The following MYO15A variants were observed in gnomAD, a reference collection of about 807,000 sequenced individuals.
MYO15A encodes the protein myosin XVA, also known as unconventional myosin-XV.
MYO15A carries 308 observed loss-of-function variants against 394.6 expected under a neutral mutation model. The observed-to-expected ratio is 0.78, with a 90% CI of 0.71 to 0.86. The LOEUF is 0.86. Among genes scored for constraint, MYO15A ranks in the 40% least tolerant of loss-of-function variants. The probability of loss-of-function intolerance (pLI) is 0.00; values close to 1 mark genes in which losing one functional copy is unlikely to be tolerated. For missense variants in MYO15A, 4,606 were observed against 4,799.1 expected, an observed-to-expected ratio of 0.96 and a Z score of 1.19; for synonymous variants, 1,957 against 2,003.8, an observed-to-expected ratio of 0.98 and a Z score of 0.62.
chr17:18,145,861 T>C lies in MYO15A; in HGVS notation c.6274-11T>C. 6.2e-7 allele frequency: 1 copy of C among 1,612,570 alleles called. No individual in the cohort carries two copies. Among genetic ancestry groups the C allele is most frequent in the Non-Finnish European group, 8.5e-7 (1 of 1,179,694 alleles). ...TTCTGAGATGCCCAGGAGACTCTGTTCGTGGCCCAGATCCTGCGCTTCATG... is the reference window on the plus strand; with the variant it reads ...TTCTGAGATGCCCAGGAGACTCTGTCCGTGGCCCAGATCCTGCGCTTCATG... On this transcript the variant is annotated splice_polypyrimidine_tract_variant and intron_variant, in intron 29 of 65. Transcript: ENST00000647165.
intron 58 of MYO15A, among the ~76,000 whole-genome samples, chr17:18,163,008 AAAAC>A (rs933398025): frequency 1.3e-5 from 2 of 152,170 alleles, no homozygotes; most frequent in African/African-American, 2.4e-5. Flanking sequence ...TCAAAAAACA[AAAAC>A]AAACACACAC....
At chr17:18,177,640 C>T (rs921501645) in intron 65 of MYO15A, 41 of 152,358 alleles carry the variant, frequency 2.7e-4, no homozygotes, top group African/African-American at 9.6e-4. Flanking sequence ...TCTTACCATC[C>T]AGGTTCAAAT....
intron 15 of MYO15A, among the ~76,000 whole-genome samples, chr17:18,136,967 G>A (rs562689712): frequency 2.6e-4 from 40 of 152,388 alleles, no homozygotes; most frequent in Middle Eastern, 6.8e-3. Flanking sequence ...GGTGAGGCTG[G>A]GTGGGGAAGG....
At position 18,132,448 on chromosome 17, in the gene MYO15A, T is replaced by C. The variant is rs778453875; in HGVS notation, c.4207-5T>C. ...CTTCTCTGTGCCCACCTACCCACTC[T>C]ACAGGCCAAAAACGAGAGGAATTAC... On this transcript the variant is annotated splice_polypyrimidine_tract_variant and splice_region_variant and intron_variant, in intron 10 of 65. Transcript: ENST00000647165. This position sits in a 1 kb window ranked among gnomAD's most constrained non-coding sequence, Gnocchi z 4.6. The C allele has an allele frequency of 1.9e-6, 3 of 1,613,724 alleles. No homozygotes were observed. Among genetic ancestry groups the C allele is most frequent in the Admixed American group, 1.7e-5 (1 of 60,018 alleles).
chr17:18,151,158 C>T lies in MYO15A; in HGVS notation c.7522C>T (p.Pro2508Ser). 6.2e-7 allele frequency: 1 copy of T among 1,614,032 alleles called. No individual in the cohort carries two copies. The highest frequency in any genetic ancestry group is 1.6e-4 in the Middle Eastern group (1 of 6,062). The part of the protein sequence containing the change: ...AQPTSVGTGP[P>S]AKPVLLRATP... ...GCCGACGTCTGTAGGCACCGGTCCC[C>T]CTGCCAAACCCGTGCTCCTGCGTGC... The change falls in exon 39 of 66, where the codon CCT becomes TCT. Residue 2508 changes from proline to serine, a missense_variant. This residue lies in a region of MYO15A where 2,776 missense variants were observed against 3,109.3 expected (regional missense o/e 0.89). Transcript: ENST00000647165.
chr17:18,156,871 G>T, intron 48 of MYO15A, 83 bp from the exon 49 acceptor site: 1 of 1,195,118 alleles, frequency 8.4e-7, no homozygotes, highest in Non-Finnish European at 1.2e-6. Context: ...AGTCAGGAAG[G>T]ATGTGAGGAG....
chr17:18,155,025 C>T, intron 45 of MYO15A, 85 bp from the exon 46 acceptor site: 1 of 1,321,070 alleles, frequency 7.6e-7, no homozygotes, highest in Non-Finnish European at 1.1e-6. Flanking sequence ...TGCTGGGTAT[C>T]AGCCACCTCC....
rs2142241668 is a variant in MYO15A, at chr17:18,119,612, G to T, written c.812G>T (p.Trp271Leu). 1 of 1,603,596 alleles carries T rather than the reference G, an allele frequency of 6.2e-7. No individual in the cohort carries two copies. The highest frequency in any genetic ancestry group is 8.5e-7 in the Non-Finnish European group (1 of 1,179,906). Residue 271 changes from tryptophan to leucine, a missense_variant, in exon 2 of 66, where the codon TGG becomes TTG. This residue lies in a region of MYO15A where 1,830 missense variants were observed against 1,689.7 expected (regional missense o/e 1.08). Transcript: ENST00000647165. ...GGCCTCGGCCCCTACAGCCCGGCCT[G>T]GCCACCCTACGGCGACCACTACTAC... The part of the protein sequence containing the change: ...LAGLGPYSPA[W>L]PPYGDHYYGY...
intron 1 of MYO15A, among the ~76,000 whole-genome samples, chr17:18,112,852 TA>T (rs1053200122): frequency 5.1e-4 from 17 of 33,200 alleles, no homozygotes; most frequent in Non-Finnish European, 1.2e-3. Flanking sequence ...GCTGTATTAT[TA>T]TTATTTTTTT....
In MYO15A at chr17:18,137,676, G is replaced by C; in HGVS notation, c.4872G>C (p.Glu1624Asp). The C allele has an allele frequency of 6.2e-7, 1 of 1,614,018 alleles. No individual in the cohort carries two copies. The highest frequency in any genetic ancestry group is 8.5e-7 in the Non-Finnish European group (1 of 1,179,954). Residue 1624 changes from glutamate (E) to aspartate (D), a missense_variant, in exon 16 of 66, where the codon GAG becomes GAC. Transcript: ENST00000647165. ...YLFNKIVFQE[E>D]QEEYIREQID... ...TCAACAAGATCGTCTTCCAGGAGGA[G>C]CAGGTGTGTGGGCCCCATTAATACT... is the stretch of plus-strand genomic sequence containing the variant.
Position 18,148,344 on chromosome 17 carries a change from C to A in MYO15A, c.6691+134C>A. 1 of 1,462,874 alleles carries A rather than the reference C, an allele frequency of 6.8e-7. No individual in the cohort carries two copies. Among genetic ancestry groups the A allele is most frequent in the South Asian group, 1.2e-5 (1 of 82,180 alleles). 90.6% of individuals were successfully genotyped at this position (1,462,874 alleles called of 1,614,324 possible). A position where few individuals can be genotyped will look rare whatever the true frequency, so the allele number is the denominator to read the frequency against. On this transcript the variant is annotated intron_variant, in intron 31 of 65. Coordinates refer to ENST00000647165, the MANE Select transcript of MYO15A (RefSeq NM_016239.4). The surrounding 1 kb of genome is among the most constrained non-coding windows in gnomAD (Gnocchi z 4.8). ...CTCAGATGTGGCTCTGCGTGAAAGT[C>A]TGTGTGTGGGGGTGGGACCTGGCCC... is the stretch of plus-strand genomic sequence containing the variant.
At position 18,157,877 on chromosome 17, in the gene MYO15A, C is replaced by G. The variant is rs774312110; in HGVS notation, c.8944C>G (p.Gln2982Glu). The change falls in exon 51 of 66, where the codon CAG (glutamine) becomes GAG (glutamate). Residue 2982 changes from glutamine (Q) to glutamate (E), a missense_variant. Gln to Glu is a conservative substitution (Grantham distance 29). Transcript: ENST00000647165. The part of the protein sequence containing the change: ...AAAVASAAAA[Q>E]EVGRRREGPP... ...TGCTGTGGCCTCTGCAGCCGCTGCA[C>G]AGGAGGTGGGCCGCAGGAGAGAGGT... The G allele has an allele frequency of 1.9e-5, 24 of 1,268,710 alleles. No individual in the cohort carries two copies. The Admixed American group carries it at 4.7e-4, about 25-fold the overall frequency. The allele number at this position is 1,268,710 out of a possible 1,614,324, so 78.6% of individuals were successfully genotyped here.
intron 1 of MYO15A, among the ~76,000 whole-genome samples, chr17:18,112,433 TCA>T (rs1046808582): frequency 2.6e-5 from 4 of 152,108 alleles, no homozygotes; most frequent in African/African-American, 9.7e-5. Flanking sequence ...TCTCGCACCG[TCA>T]CACAGGCTGG....
chr17:18,139,422 A>G, intron 18 of MYO15A, 112 bp from the exon 19 acceptor site: 1 of 1,223,286 alleles, frequency 8.2e-7, no homozygotes, highest in South Asian at 1.3e-5. Flanking sequence ...AGTAGGGAGA[A>G]TGGTGGGGGC....
intron 51 of MYO15A, 169 bp from the exon 52 acceptor site, chr17:18,158,354 C>T: frequency 2.1e-6 from 1 of 481,540 alleles, no homozygotes; most frequent in Non-Finnish European, 3.5e-6. Context: ...AAGGCGTGGG[C>T]GGGCTGAAGG....
At position 18,124,579 on chromosome 17, in the gene MYO15A, G is replaced by T. The variant is rs754316966; in HGVS notation, c.3692+14G>T. ...GACACAGCTGGAGTGAGTGGGCAGGGCCGGCGGGGTCAGCAAGGGGTCACC... is the reference window on the plus strand; with the variant it reads ...GACACAGCTGGAGTGAGTGGGCAGGTCCGGCGGGGTCAGCAAGGGGTCACC... On this transcript the variant is annotated intron_variant, in intron 3 of 65. Transcript: ENST00000647165. 1 of 1,612,202 alleles carries T rather than the reference G, an allele frequency of 6.2e-7. No individual in the cohort carries two copies. The highest frequency in any genetic ancestry group is 8.5e-7 in the Non-Finnish European group (1 of 1,179,704).
In MYO15A at chr17:18,156,223, C is replaced by T; in HGVS notation, c.8488C>T (p.Pro2830Ser). Reference sequence around the variant, plus strand: ...TGCAGATATCCTGTTTGTGACCATGCCCTCCCAGAACATGCTGGAGTTCAA... The same window carrying T: ...TGCAGATATCCTGTTTGTGACCATGTCCTCCCAGAACATGCTGGAGTTCAA... Reference protein sequence around the residue: ...SFADILFVTMPSQNMLEFNLA... With the variant: ...SFADILFVTMSSQNMLEFNLA... The change falls in exon 48 of 66, where the codon CCC becomes TCC. Residue 2830 changes from proline (P) to serine (S), a missense_variant. Pro to Ser is a moderately conservative substitution (Grantham distance 74, BLOSUM62 -1). Around this residue, in one of 2 missense-constraint regions of MYO15A, gnomAD observed 2,776 missense variants for 3,109.3 expected, o/e 0.89. Transcript: ENST00000647165. The T allele has an allele frequency of 6.2e-7, 1 of 1,614,164 alleles. No homozygotes were observed. Among genetic ancestry groups the T allele is most frequent in the Non-Finnish European group, 8.5e-7 (1 of 1,180,010 alleles).
At chr17:18,166,760 C>T (rs1396118254) in intron 61 of MYO15A, among the ~76,000 whole-genome samples, 3 of 152,206 alleles carry the variant, frequency 2.0e-5, no homozygotes, top group Non-Finnish European at 4.4e-5. Context: ...TTATTTAAGT[C>T]CTTCCCAGCA....
At chr17:18,174,894 C>T (rs560223012) in intron 65 of MYO15A, among the ~76,000 whole-genome samples, 1 of 152,282 alleles carries the variant, frequency 6.6e-6, no homozygotes, top group African/African-American at 2.4e-5. Context: ...AGCTCTGCCT[C>T]TGAGGGACAG....
Sources: allele counts gnomAD v4.1 joint callset (sites outside exome capture counted in the v4.1 genomes callset), GRCh38; gene constraint gnomAD v4.1.1; regional missense constraint gnomAD v4.1.1; non-coding constraint Gnocchi (gnomAD v3.1); transcripts MANE v1.5; gene names NCBI Gene and HGNC (gene_info 2026-07-23, HGNC 2026-07-21).